Variants in ARHGEF6 observed in about 807,000 individuals in gnomAD.
The protein encoded by ARHGEF6 is rho guanine nucleotide exchange factor 6.
In ARHGEF6, 9 loss-of-function variants were observed where a neutral mutation model predicts 70.3. The observed-to-expected ratio is 0.13, with a 90% CI of 0.08 to 0.22. The LOEUF is 0.22. Among genes scored for constraint, ARHGEF6 ranks in the 10% least tolerant of loss-of-function variants. The pLI, the probability that ARHGEF6 is intolerant of heterozygous loss-of-function variation, is 1.00. For missense variants in ARHGEF6, 470 were observed against 563.0 expected (o/e 0.83, Z 1.67); for synonymous variants, 201 against 207.8 (o/e 0.97, Z 0.28).
intron 20 of ARHGEF6, among the ~76,000 whole-genome samples, chrX:136,671,585 C>T (rs764806638): frequency 7.1e-5 from 8 of 112,103 alleles, no homozygotes; most frequent in Non-Finnish European, 1.5e-4. Flanking sequence ...TTTATCTAAC[C>T]GGATTGCTGT....
chrX:136,736,618 G>GATGTGTGTATGTGT (rs58741198), intron 5 of ARHGEF6, among the ~76,000 whole-genome samples: 7,154 of 103,618 alleles, frequency 0.069, 620 homozygotes, highest in African/African-American at 0.23. Context: ...GTTAAAAAGA[G>GATGTGTGTATGTGT]GTGTGTGTGT....
At chrX:136,778,710 G>A (rs1459510481) in intron 2 of ARHGEF6, among the ~76,000 whole-genome samples, 2 of 110,679 alleles carry the variant, frequency 1.8e-5, no homozygotes, top group African/African-American at 6.6e-5. Context: ...GGCTGGTCTC[G>A]AACTCCTGGG....
chrX:136,673,182 T>C (rs944568203), intron 19 of ARHGEF6, among the ~76,000 whole-genome samples: 4 of 112,353 alleles, frequency 3.6e-5, no homozygotes, highest in African/African-American at 9.7e-5. Context: ...TGGGAAGATA[T>C]ATGGAGGTGA....
intron 2 of ARHGEF6, among the ~76,000 whole-genome samples, chrX:136,756,208 C>T (rs192826698): frequency 1.9e-3 from 213 of 111,817 alleles, no homozygotes; most frequent in Admixed American, 0.016. Flanking sequence ...AAACATGTAA[C>T]ATCTAAAATT....
rs762531366 is a variant in ARHGEF6 at position 136,667,092 on chromosome X, C to G, written c.*937G>C. 1.2e-4 allele frequency: 13 copies of G among 112,716 alleles called. No homozygotes were observed. In the South Asian group the frequency reaches 4.7e-3, roughly 41 times the overall value. 9.3% of individuals were successfully genotyped at this position (112,716 alleles called of 1,213,427 possible). On this transcript the variant is annotated 3_prime_UTR_variant, in exon 22 of 22. Transcript: ENST00000250617. ...CGTACATAAAGTAACTCCTCACAGT[C>G]TAACTACATTTTTTTAAAAAGTAAG...
chrX:136,734,378 A>G (rs2076965619), intron 5 of ARHGEF6, among the ~76,000 whole-genome samples: 1 of 112,023 alleles, frequency 8.9e-6, no homozygotes, highest in Non-Finnish European at 1.9e-5. Flanking sequence ...AAACAACTCT[A>G]CACACATAAA....
At chrX:136,740,226 C>T (rs1356849982) in intron 5 of ARHGEF6, among the ~76,000 whole-genome samples, 2 of 110,867 alleles carry the variant, frequency 1.8e-5, no homozygotes, top group Admixed American at 9.6e-5. Context: ...CCAGGCTGAT[C>T]GCGAATTCCT....
At chrX:136,761,519 G>A (rs1280099899) in intron 2 of ARHGEF6, among the ~76,000 whole-genome samples, 1 of 112,276 alleles carries the variant, frequency 8.9e-6, no homozygotes. Context: ...ATGATGAAAA[G>A]CACAGAGACA....
rs185051719 is a variant in ARHGEF6, at chrX:136,771,953, G to A, written c.249+7461C>T. Among the ~76,000 whole-genome samples the A allele has an allele frequency of 4.2e-4, 47 of 112,140 alleles. No individual in the cohort carries two copies. In the South Asian group the frequency reaches 8.8e-3, roughly 21 times the overall value. ...ATCAGTATATGGAAGAGATAACGGCGCTCCTATGTTTGTTGCAGTACTGTT... is the reference window on the plus strand; with the variant it reads ...ATCAGTATATGGAAGAGATAACGGCACTCCTATGTTTGTTGCAGTACTGTT... On this transcript the variant is annotated intron_variant, in intron 2 of 21. Transcript: ENST00000250617.
chrX:136,712,711 C>T (rs1411675267), intron 7 of ARHGEF6, among the ~76,000 whole-genome samples: 2 of 112,363 alleles, frequency 1.8e-5, no homozygotes, highest in Non-Finnish European at 3.8e-5. Context: ...TCAATTCAGG[C>T]TTTACACAAT....
At chrX:136,754,937 G>GC (rs1180016069) in intron 2 of ARHGEF6, among the ~76,000 whole-genome samples, 1 of 111,358 alleles carries the variant, frequency 9.0e-6, no homozygotes, top group Non-Finnish European at 1.9e-5. Context: ...CTTCCCCAAT[G>GC]CCCCCACTCC....
At chrX:136,687,444 T>C (rs1281161045) in intron 11 of ARHGEF6, among the ~76,000 whole-genome samples, 2 of 112,588 alleles carry the variant, frequency 1.8e-5, no homozygotes, top group Non-Finnish European at 3.8e-5. Flanking sequence ...ACGTGTACCT[T>C]TGATAGCAAC....
At chrX:136,732,021 C>T in intron 6 of ARHGEF6, 81 bp downstream of exon 6, 2 of 779,443 alleles carry the variant, frequency 2.6e-6, no homozygotes, top group Non-Finnish European at 3.8e-6. Flanking sequence ...CTTTGTGTCA[C>T]CTCAACACAT....
chrX:136,706,926 T>C lies in ARHGEF6; in HGVS notation c.1028A>G (p.Asn343Ser). ...AYCANHPSAVNVLTQHSDELE... is the reference protein window; with the variant it reads ...AYCANHPSAVSVLTQHSDELE... ...TATTTACCTGTGCTGAGTGAGCACA[T>C]TTACAGCTGAAGGATGGTTTGCACA... Residue 343 changes from asparagine to serine, a missense_variant, in exon 9 of 22, where the codon AAT becomes AGT. Asn to Ser is a conservative substitution (Grantham distance 46). Transcript: ENST00000250617. 1 of 1,211,694 alleles carries C rather than the reference T, an allele frequency of 8.3e-7. No homozygotes were observed. The highest frequency in any genetic ancestry group is 1.1e-6 in the Non-Finnish European group (1 of 895,384).
intron 5 of ARHGEF6, among the ~76,000 whole-genome samples, chrX:136,736,618 G>GATGTGTGTATGT (rs58741198): frequency 0.014 from 1,464 of 103,675 alleles, 17 homozygotes; most frequent in African/African-American, 0.037. Flanking sequence ...GTTAAAAAGA[G>GATGTGTGTATGT]GTGTGTGTGT....
intron 9 of ARHGEF6, among the ~76,000 whole-genome samples, chrX:136,706,519 G>C (rs1469197785): frequency 8.9e-6 from 1 of 111,837 alleles, no homozygotes; most frequent in African/African-American, 3.3e-5. Flanking sequence ...AGCCCTCCCT[G>C]ACCCTTTCTT....
At chrX:136,725,957 T>C (rs1259488374) in intron 6 of ARHGEF6, among the ~76,000 whole-genome samples, 2 of 112,194 alleles carry the variant, frequency 1.8e-5, no homozygotes, top group Non-Finnish European at 3.8e-5. Context: ...TGTATAACTA[T>C]GTTTTCCAAA....
intron 9 of ARHGEF6, among the ~76,000 whole-genome samples, chrX:136,692,216 A>T (rs2076465815): frequency 9.0e-6 from 1 of 111,704 alleles, no homozygotes; most frequent in South Asian, 3.8e-4. Context: ...TAGATCACAT[A>T]TGAGAGGTCA....
At chrX:136,716,576 A>T (rs188032775) in intron 6 of ARHGEF6, among the ~76,000 whole-genome samples, 218 of 112,248 alleles carry the variant, frequency 1.9e-3, no homozygotes, top group African/African-American at 6.9e-3. Flanking sequence ...TTTACAAGGC[A>T]TATTAAAAGG....
Sources: allele counts gnomAD v4.1 joint callset (sites outside exome capture counted in the v4.1 genomes callset), GRCh38; gene constraint gnomAD v4.1.1; transcripts MANE v1.5; gene names NCBI Gene and HGNC (gene_info 2026-07-23, HGNC 2026-07-21).